The following SH3BP4 variants were observed in gnomAD, a reference collection of about 807,000 sequenced individuals.
SH3BP4 encodes SH3 domain-binding protein 4.
Under a neutral mutation model 65.5 loss-of-function variants are expected in SH3BP4, and 33 were observed. The observed-to-expected ratio is 0.50, with a 90% CI of 0.38 to 0.67. The LOEUF (loss-of-function observed/expected upper bound fraction) is 0.67. SH3BP4 is among the 30% of genes least tolerant of loss of function. The pLI, the probability that SH3BP4 is intolerant of heterozygous loss-of-function variation, is 0.00. For synonymous variants in SH3BP4, 552 were observed against 545.5 expected, an observed-to-expected ratio of 1.01 and a Z score of -0.17; for missense variants, 1,134 against 1,261.4, an observed-to-expected ratio of 0.90 and a Z score of 1.53.
rs1441652876 is a variant in SH3BP4, at chr2:235,043,092, G to A, written c.2323G>A (p.Ala775Thr). The change falls in exon 4 of 6, where the codon GCC becomes ACC. Residue 775 changes from alanine to threonine, a missense_variant. Coordinates refer to ENST00000392011, the MANE Select transcript of SH3BP4 (RefSeq NM_014521.3). ...NISSWRSFAD[A>T]LGYVNLPLTF... Reference sequence around the variant, plus strand: ...CAGCAGCTGGCGCTCCTTCGCTGACGCCCTGGGCTACGTGAACCTGCCGCT... The same window carrying A: ...CAGCAGCTGGCGCTCCTTCGCTGACACCCTGGGCTACGTGAACCTGCCGCT... The A allele has an allele frequency of 9.3e-6, 15 of 1,613,458 alleles. No individual in the cohort carries two copies. Among genetic ancestry groups the A allele is most frequent in the Middle Eastern group, 3.3e-4 (2 of 6,082 alleles).
At chr2:235,019,249 G>C (rs368270063) in intron 2 of SH3BP4, among the ~76,000 whole-genome samples, 12 of 152,218 alleles carry the variant, frequency 7.9e-5, no homozygotes, top group Middle Eastern at 3.4e-3. Flanking sequence ...GGGCGCTGCA[G>C]GGCACTCAGG....
At chr2:234,969,871 TCA>T (rs1692936161) in intron 1 of SH3BP4, among the ~76,000 whole-genome samples, 1 of 151,920 alleles carries the variant, frequency 6.6e-6, no homozygotes, top group Non-Finnish European at 1.5e-5. Context: ...TCTGTCTCTC[TCA>T]CACACTCTCG....
intron 1 of SH3BP4, among the ~76,000 whole-genome samples, chr2:234,989,560 T>C (rs1693684987): frequency 2.0e-5 from 3 of 152,160 alleles, no homozygotes; most frequent in Non-Finnish European, 4.4e-5. Context: ...CTTGGCACAC[T>C]TTTCTCTGTA....
chr2:235,031,173 T>A (rs1043818627), intron 2 of SH3BP4, among the ~76,000 whole-genome samples: 1 of 152,134 alleles, frequency 6.6e-6, no homozygotes. Context: ...CTGCTTGGCT[T>A]CTCTCGGCCT....
chr2:234,975,408 G>A (rs1376962044), intron 1 of SH3BP4, among the ~76,000 whole-genome samples: 1 of 152,122 alleles, frequency 6.6e-6, no homozygotes, highest in Non-Finnish European at 1.5e-5. Context: ...TAAGCACAGT[G>A]TCCCTTACCT....
At chr2:235,020,890 A>T (rs1303921940) in intron 2 of SH3BP4, among the ~76,000 whole-genome samples, 1 of 152,210 alleles carries the variant, frequency 6.6e-6, no homozygotes, top group Admixed American at 6.5e-5. Flanking sequence ...CCCCAAGTCC[A>T]TCAGCCAGAC....
intron 2 of SH3BP4, among the ~76,000 whole-genome samples, chr2:235,003,718 G>A (rs541880090): frequency 6.6e-6 from 1 of 152,354 alleles, no homozygotes; most frequent in South Asian, 2.1e-4. Flanking sequence ...TCCTATGCAG[G>A]GAGATGTGGC....
intron 1 of SH3BP4, among the ~76,000 whole-genome samples, chr2:234,985,583 ACT>A (rs1488307451): frequency 1.3e-5 from 2 of 150,958 alleles, no homozygotes; most frequent in African/African-American, 4.9e-5. Flanking sequence ...AGGCATTTTG[ACT>A]CTCCGCGCAC....
At position 234,978,507 on chromosome 2, in the gene SH3BP4, C is replaced by T. The variant is rs893153183; in HGVS notation, c.-206-16796C>T. 1.3e-5 allele frequency among the ~76,000 whole-genome samples: 2 copies of T among 152,196 alleles called. No individual in the cohort carries two copies. Among genetic ancestry groups the T allele is most frequent in the African/African-American group, 2.4e-5 (1 of 41,454 alleles). ...AGCACTCTGTGCTCGCTGACTGGTG[C>T]GGTGAACTCTCCGGCTGGGCTCCTT... On this transcript the variant is annotated intron_variant, in intron 1 of 5. Transcript: ENST00000392011. This position sits in a 1 kb window ranked among gnomAD's most constrained non-coding sequence, Gnocchi z 4.1.
chr2:235,033,916 C>T lies in SH3BP4; in HGVS notation c.-132-955C>T, dbSNP rs1473488124. 6.6e-6 allele frequency among the ~76,000 whole-genome samples: 1 copy of T among 152,186 alleles called. No homozygotes were observed. The highest frequency in any genetic ancestry group is 1.5e-5 in the Non-Finnish European group (1 of 68,036). ...GAATTGAGGAAAAAGGGACCTCAGA[C>T]CATTGTATATGTGCCCAGTTATATA... On this transcript the variant is annotated intron_variant, in intron 2 of 5. Transcript: ENST00000392011. This position sits in a 1 kb window ranked among gnomAD's most constrained non-coding sequence, Gnocchi z 5.7.
At position 235,053,798 on chromosome 2, in the gene SH3BP4, G is replaced by C. The variant is rs1258733888; in HGVS notation, c.2874G>C (p.Gln958His). The change falls in exon 6 of 6, where the codon CAG becomes CAC. Residue 958 changes from glutamine to histidine, a missense_variant. Coordinates refer to ENST00000392011, the MANE Select transcript of SH3BP4 (RefSeq NM_014521.3). Reference protein sequence around the residue: ...LRAAAFSPADQDDFVI With the variant: ...LRAAAFSPADHDDFVI Reference sequence around the variant, plus strand: ...CAGCCGCCTTCAGCCCTGCGGACCAGGACGACTTCGTGATTTGAATGGGTC... The same window carrying C: ...CAGCCGCCTTCAGCCCTGCGGACCACGACGACTTCGTGATTTGAATGGGTC... 3 of 1,614,038 alleles carry C rather than the reference G, an allele frequency of 1.9e-6. No homozygotes were observed. The African/African-American group carries it at 4.0e-5, about 22-fold the overall frequency.
In SH3BP4 at chr2:235,052,215, C is replaced by T. The variant is rs1696078603; in HGVS notation, c.2479-347C>T. Among the ~76,000 whole-genome samples, 1 of 152,160 alleles carries T rather than the reference C, an allele frequency of 6.6e-6. No individual in the cohort carries two copies. Among genetic ancestry groups the T allele is most frequent in the African/African-American group, 2.4e-5 (1 of 41,454 alleles). On this transcript the variant is annotated intron_variant, in intron 4 of 5. Transcript: ENST00000392011. This position sits in a 1 kb window ranked among gnomAD's most constrained non-coding sequence, Gnocchi z 5.0. ...CTCTCTGCCTCTCTGTCTGCTTTCTCTTCTTATGAAGACGCCAGTCCTTGG... is the reference window on the plus strand; with the variant it reads ...CTCTCTGCCTCTCTGTCTGCTTTCTTTTCTTATGAAGACGCCAGTCCTTGG...
In SH3BP4 at chr2:235,043,160, G is replaced by A. The variant is rs570135042; in HGVS notation, c.2391G>A (p.Arg797=). The A allele has an allele frequency of 1.2e-6, 2 of 1,612,642 alleles. No individual in the cohort carries two copies. Among genetic ancestry groups the A allele is most frequent in the African/African-American group, 2.7e-5 (2 of 75,060 alleles). The change falls in exon 4 of 6, where the codon CGG becomes CGA. Residue 797 remains arginine (R), a synonymous_variant. Coordinates refer to ENST00000392011, the MANE Select transcript of SH3BP4 (RefSeq NM_014521.3). ...CAGAGCTGGATAGTGAGCCCGAGCGGGTGGCGTCCGTCCTAGAAAAGCTGA... is the reference window on the plus strand; with the variant it reads ...CAGAGCTGGATAGTGAGCCCGAGCGAGTGGCGTCCGTCCTAGAAAAGCTGA... ...CRAELDSEPE[R]VASVLEKLKE... is the part of the protein sequence containing the mutation.
At chr2:235,002,359 A>G (rs2106284543) in intron 2 of SH3BP4, among the ~76,000 whole-genome samples, 1 of 152,338 alleles carries the variant, frequency 6.6e-6, no homozygotes. Flanking sequence ...TCTGAAGGAC[A>G]GGTGGGTTGA....
At chr2:235,044,937 G>T (rs1192116983) in intron 4 of SH3BP4, among the ~76,000 whole-genome samples, 1 of 152,206 alleles carries the variant, frequency 6.6e-6, no homozygotes, top group Non-Finnish European at 1.5e-5. Flanking sequence ...GGCCACCTTG[G>T]CAACCAGGAA....
intron 3 of SH3BP4, 24 bp from the exon 4 acceptor site, chr2:235,040,864 C>T (rs1431963969): frequency 1.5e-5 from 24 of 1,597,336 alleles, no homozygotes; most frequent in Non-Finnish European, 2.0e-5. Flanking sequence ...CCCTCACCAT[C>T]TGTTTTCTTT....
In SH3BP4 at chr2:235,030,448, A is replaced by G. The variant is rs531612803; in HGVS notation, c.-132-4423A>G. On this transcript the variant is annotated intron_variant, in intron 2 of 5. Coordinates refer to ENST00000392011, the MANE Select transcript of SH3BP4 (RefSeq NM_014521.3). This position sits in a 1 kb window ranked among gnomAD's most constrained non-coding sequence, Gnocchi z 4.1. The stretch of plus-strand genomic sequence containing the variant: ...TGCTGCCTAGGGCCCTTGAGGACGC[A>G]GTGGGATGGTGCCTGGTGGAGCTAT... 6.6e-6 allele frequency among the ~76,000 whole-genome samples: 1 copy of G among 152,186 alleles called. No individual in the cohort carries two copies. Among genetic ancestry groups the G allele is most frequent in the Non-Finnish European group, 1.5e-5 (1 of 68,016 alleles).
chr2:235,043,866 G>A (rs1695756848), intron 4 of SH3BP4, among the ~76,000 whole-genome samples: 1 of 152,276 alleles, frequency 6.6e-6, no homozygotes, highest in South Asian at 2.1e-4. Flanking sequence ...TGGGGTTTAC[G>A]GGGGATCCTG....
At chr2:235,032,701 A>AG (rs1695242688) in intron 2 of SH3BP4, among the ~76,000 whole-genome samples, 1 of 152,090 alleles carries the variant, frequency 6.6e-6, no homozygotes, top group Admixed American at 6.5e-5. Flanking sequence ...TGCTTCTGGT[A>AG]GGGGGCGAGG....
Sources: allele counts gnomAD v4.1 joint callset (sites outside exome capture counted in the v4.1 genomes callset), GRCh38; gene constraint gnomAD v4.1.1; non-coding constraint Gnocchi (gnomAD v3.1); transcripts MANE v1.5; gene names NCBI Gene and HGNC (gene_info 2026-07-23, HGNC 2026-07-21).